The following ZNF610 variants were observed in gnomAD, a reference collection of about 807,000 sequenced individuals.
ZNF610 encodes zinc finger protein 610, also known as zink finger protein.
A neutral mutation model predicts 14.1 loss-of-function variants in ZNF610; 14 were observed. The ratio of observed to expected loss-of-function variants is 0.99; its 90% CI spans 0.65 to 1.55. ZNF610 has a LOEUF of 1.55. ZNF610 is among the 40% of genes most tolerant of loss of function. ZNF610 has a pLI of 0.00. For missense variants in ZNF610, 530 were observed against 558.0 expected (o/e 0.95, Z 0.51); for synonymous variants, 185 against 187.6 (o/e 0.99, Z 0.11).
intron 3 of ZNF610, among the ~76,000 whole-genome samples, chr19:52,353,412 A>G (rs1985353822): frequency 1.3e-5 from 2 of 152,208 alleles, no homozygotes; most frequent in African/African-American, 4.8e-5. Context: ...CTATAATCCC[A>G]TCTTCTTGGG....
At chr19:52,365,257 T>TTGTGACAGG (rs967343755) in intron 5 of ZNF610, among the ~76,000 whole-genome samples, 1 of 150,716 alleles carries the variant, frequency 6.6e-6, no homozygotes, top group African/African-American at 2.5e-5. Context: ...AAAAAAAGAA[T>TTGTGACAGG]TGTGACAGGT....
chr19:52,350,595 T>C (rs28449340), intron 3 of ZNF610, among the ~76,000 whole-genome samples: 1,869 of 152,272 alleles, frequency 0.012, 27 homozygotes, highest in African/African-American at 0.038. Flanking sequence ...GGAGAATTGC[T>C]TGAACCTGGG....
At chr19:52,333,826 A>C (rs1435569001), upstream of ZNF610, among the ~76,000 whole-genome samples, 1 of 152,206 alleles carries the variant, frequency 6.6e-6, no homozygotes, top group Non-Finnish European at 1.5e-5. Flanking sequence ...GTAGTGAAAA[A>C]CTTATGCATG....
rs1423505517 is a variant in ZNF610 at position 52,365,766 on chromosome 19, G to C, written c.388G>C (p.Glu130Gln). The stretch of plus-strand genomic sequence containing the variant: ...TAAAAATCAACTTGGATTAACCCTT[G>C]AGGCACATCTGTCTGAATTGCAGCT... Reference protein sequence around the residue: ...PIKNQLGLTLEAHLSELQLFQ... With the variant: ...PIKNQLGLTLQAHLSELQLFQ... Residue 130 changes from glutamate to glutamine, a missense_variant, in exon 6 of 6, where the codon GAG (glutamate) becomes CAG (glutamine). Physicochemically the swap from Glu to Gln is conservative, Grantham distance 29. Transcript: ENST00000403906. 1 of 1,613,960 alleles carries C rather than the reference G, an allele frequency of 6.2e-7. No individual in the cohort carries two copies. The highest frequency in any genetic ancestry group is 8.5e-7 in the Non-Finnish European group (1 of 1,179,990).
chr19:52,343,845 G>A (rs1281127649), intron 1 of ZNF610, among the ~76,000 whole-genome samples: 1 of 152,116 alleles, frequency 6.6e-6, no homozygotes, highest in Non-Finnish European at 1.5e-5. Context: ...CTTCAGAGAG[G>A]CCCCTGACAG....
chr19:52,343,396 G>T (rs1384452392), intron 1 of ZNF610, among the ~76,000 whole-genome samples: 1 of 151,930 alleles, frequency 6.6e-6, no homozygotes, highest in Non-Finnish European at 1.5e-5. Context: ...ATGAGACCCT[G>T]TCTCACAAAC....
upstream of ZNF610, among the ~76,000 whole-genome samples, chr19:52,335,319 G>A (rs541685910): frequency 2.0e-5 from 3 of 152,248 alleles, no homozygotes; most frequent in African/African-American, 7.2e-5. Context: ...ACATCCCTCC[G>A]GGGACAGGAC....
rs1200266828 is a variant in ZNF610 at position 52,366,985 on chromosome 19, C to A, written c.*218C>A. ...AGAGAACAGTTATATCAGAATAGAG[C>A]ATTTAATGAAAACTACCAGTATAGC... On this transcript the variant is annotated 3_prime_UTR_variant, in exon 6 of 6. Coordinates refer to ENST00000403906, the MANE Select transcript of ZNF610 (RefSeq NM_001161425.2). 2.0e-6 allele frequency: 1 copy of A among 490,242 alleles called. No individual in the cohort carries two copies. The highest frequency in any genetic ancestry group is 3.5e-6 in the Non-Finnish European group (1 of 282,620). 30.4% of individuals were successfully genotyped at this position (490,242 alleles called of 1,614,324 possible).
chr19:52,332,572 GCTATACAGC>G (rs1984238636), upstream of ZNF610, among the ~76,000 whole-genome samples: 1 of 152,120 alleles, frequency 6.6e-6, no homozygotes, highest in African/African-American at 2.4e-5. This position sits in a 1 kb window ranked among gnomAD's most constrained non-coding sequence, Gnocchi z 4.1. Flanking sequence ...TAAAAATTGG[GCTATACAGC>G]CTCCTCCAAT....
chr19:52,342,350 T>C (rs894985590), intron 1 of ZNF610, among the ~76,000 whole-genome samples: 1 of 152,108 alleles, frequency 6.6e-6, no homozygotes, highest in Admixed American at 6.6e-5. Flanking sequence ...TCTTCTGTGC[T>C]CCCAAATCTC....
chr19:52,346,637 C>T (rs1234034987), intron 1 of ZNF610, among the ~76,000 whole-genome samples: 2 of 152,194 alleles, frequency 1.3e-5, no homozygotes, highest in African/African-American at 4.8e-5. Flanking sequence ...GTTTATGGTG[C>T]ATTACCTGCT....
chr19:52,355,143 C>T (rs1985465192), intron 5 of ZNF610, among the ~76,000 whole-genome samples: 1 of 152,172 alleles, frequency 6.6e-6, no homozygotes, highest in South Asian at 2.1e-4. Flanking sequence ...CTGAAGAACA[C>T]AGGGAGCATT....
intron 3 of ZNF610, among the ~76,000 whole-genome samples, chr19:52,352,278 G>T (rs1985293077): frequency 6.6e-6 from 1 of 151,990 alleles, no homozygotes; most frequent in Admixed American, 6.6e-5. Context: ...CACTCTTGTT[G>T]CCCAGGCTGG....
chr19:52,354,468 G>T, intron 5 of ZNF610, 89 bp downstream of exon 5: 1 of 1,426,582 alleles, frequency 7.0e-7, no homozygotes. Flanking sequence ...AGGCTGTAGT[G>T]CAGTGGCAAT....
intron 5 of ZNF610, among the ~76,000 whole-genome samples, chr19:52,357,728 G>A (rs1985599167): frequency 6.6e-6 from 1 of 151,904 alleles, no homozygotes; most frequent in Non-Finnish European, 1.5e-5. Flanking sequence ...CTACTCAAGA[G>A]GACTGCTCGA....
In ZNF610 at chr19:52,367,726, T is replaced by C. The variant is rs1484118084; in HGVS notation, c.*959T>C. On this transcript the variant is annotated 3_prime_UTR_variant, in exon 6 of 6. Coordinates refer to ENST00000403906, the MANE Select transcript of ZNF610 (RefSeq NM_001161425.2). ...GTCAAAATCACTTTAATAGTACAATTTCAGCCTTGTACACCCTCAAATGTG... is the reference window on the plus strand; with the variant it reads ...GTCAAAATCACTTTAATAGTACAATCTCAGCCTTGTACACCCTCAAATGTG... 1 of 151,956 alleles carries C rather than the reference T, an allele frequency of 6.6e-6. No individual in the cohort carries two copies. The allele number at this position is 151,956 out of a possible 1,614,324, so 9.4% of individuals were successfully genotyped here.
upstream of ZNF610, among the ~76,000 whole-genome samples, chr19:52,334,055 G>C (rs187557278): frequency 6.6e-6 from 1 of 152,166 alleles, no homozygotes; most frequent in Non-Finnish European, 1.5e-5. Flanking sequence ...TAAGTTGATG[G>C]TAGTATATCA....
At chr19:52,356,902 T>C (rs1462895950) in intron 5 of ZNF610, among the ~76,000 whole-genome samples, 1 of 152,200 alleles carries the variant, frequency 6.6e-6, no homozygotes, top group Non-Finnish European at 1.5e-5. Flanking sequence ...ACAGACAACT[T>C]ATGTCACCAA....
intron 1 of ZNF610, among the ~76,000 whole-genome samples, chr19:52,343,763 A>G (rs1193586299): frequency 1.3e-5 from 2 of 152,024 alleles, no homozygotes; most frequent in Non-Finnish European, 2.9e-5. Context: ...TTCGGAGGTC[A>G]CCTTGAAGGC....
Sources: gnomAD v4.1 joint callset for allele counts (sites outside exome capture counted in the v4.1 genomes callset) on GRCh38, gnomAD v4.1.1 for gene constraint, Gnocchi (gnomAD v3.1) non-coding constraint, MANE v1.5 for transcripts, NCBI Gene and HGNC (gene_info 2026-07-23, HGNC 2026-07-21) for gene names.